The following PIGN variants were observed in gnomAD, a reference collection of about 807,000 sequenced individuals.
PIGN encodes the protein phosphatidylinositol glycan anchor biosynthesis class N.
PIGN carries 117 observed loss-of-function variants against 125.4 expected under a neutral mutation model. That is an observed-to-expected ratio of 0.93 (90% CI 0.80 to 1.09). The LOEUF is 1.09. Among genes scored for constraint, PIGN ranks in the 50% least tolerant of loss-of-function variants. The probability of loss-of-function intolerance (pLI) is 0.00; values close to 1 mark genes in which losing one functional copy is unlikely to be tolerated. For synonymous variants in PIGN, 392 were observed against 377.8 expected (o/e 1.04, Z -0.44); for missense variants, 1,075 against 1,094.9 (o/e 0.98, Z 0.26).
At chr18:62,034,160 A>G (rs1012182488) in intron 23 of PIGN, among the ~76,000 whole-genome samples, 2 of 152,230 alleles carry the variant, frequency 1.3e-5, no homozygotes, top group African/African-American at 4.8e-5. Context: ...TTGAGGACCA[A>G]TAGATAAAAT....
Position 62,085,246 on chromosome 18 carries a change from C to T in PIGN, c.2389G>A (p.Ala797Thr), listed in dbSNP as rs1321206922. 3 of 1,543,860 alleles carry T rather than the reference C, an allele frequency of 1.9e-6. No individual in the cohort carries two copies. The highest frequency in any genetic ancestry group is 2.6e-6 in the Non-Finnish European group (3 of 1,140,850). Residue 797 changes from alanine (A) to threonine (T), a missense_variant, in exon 26 of 31, where the codon GCA (alanine) becomes ACA (threonine). Ala to Thr is a moderately conservative substitution (Grantham distance 58, BLOSUM62 0). Around this residue, in one of 3 missense-constraint regions of PIGN, gnomAD observed 915 missense variants for 908.7 expected, o/e 1.01. Transcript: ENST00000640252. ...GCTATATTTCCAGTTCCAAAAAATG[C>T]TGTCACTAAGAAGAAAACCTAAAGG... ...AFFLVFFLVTAFFGTGNIASI... is the reference protein window; with the variant it reads ...AFFLVFFLVTTFFGTGNIASI...
chr18:62,047,558 T>C (rs1116258), intron 30 of PIGN, among the ~76,000 whole-genome samples: 78,150 of 151,992 alleles, frequency 0.51, 22,056 homozygotes, highest in East Asian at 0.71. Flanking sequence ...GTGGAGGCCT[T>C]GCAGGGTGCC....
Position 62,154,610 on chromosome 18 carries a change from T to C in PIGN, c.484A>G (p.Lys162Glu), listed in dbSNP as rs17069506. The C allele has an allele frequency of 0.044, 69,505 of 1,587,798 alleles. 2,017 individuals carry two copies. Among genetic ancestry groups the C allele is most frequent in the Middle Eastern group, 0.14 (863 of 6,010 alleles). ...DHVYTYSYDAKREDFGAQDAT... is the reference protein window; with the variant it reads ...DHVYTYSYDAEREDFGAQDAT... ...TCTTGAGCACCAAAATCCTCTCTTTTAGCATCATAACTATATGTATAAACG... is the reference window on the plus strand; with the variant it reads ...TCTTGAGCACCAAAATCCTCTCTTTCAGCATCATAACTATATGTATAAACG... Residue 162 changes from lysine to glutamate, a missense_variant, in exon 7 of 31, where the codon AAA becomes GAA. Coordinates refer to ENST00000640252, the MANE Select transcript of PIGN (RefSeq NM_176787.5).
chr18:62,086,983 G>T (rs999434382), intron 25 of PIGN, among the ~76,000 whole-genome samples: 11 of 152,104 alleles, frequency 7.2e-5, no homozygotes, highest in Admixed American at 3.9e-4. Flanking sequence ...AAGAGGAGTG[G>T]CAGTTGTTAG....
intron 1 of PIGN, among the ~76,000 whole-genome samples, chr18:62,180,429 T>C (rs1416008214): frequency 6.6e-6 from 1 of 152,174 alleles, no homozygotes; most frequent in African/African-American, 2.4e-5. Context: ...TACAAGTGAC[T>C]GGCAAAGTGT....
chr18:62,086,610 CGTTTTTT>C (rs1403542203), intron 25 of PIGN, among the ~76,000 whole-genome samples: 7 of 121,396 alleles, frequency 5.8e-5, no homozygotes, highest in African/African-American at 2.1e-4. Context: ...AGTAAGACTC[CGTTTTTT>C]GTTTTTTTTT....
At chr18:62,115,681 G>C (rs2035061787) in intron 14 of PIGN, among the ~76,000 whole-genome samples, 2 of 151,766 alleles carry the variant, frequency 1.3e-5, no homozygotes, top group Admixed American at 1.3e-4. Flanking sequence ...GGGAGGGTCA[G>C]AGACTTCTTT....
In PIGN at chr18:62,025,582, T is replaced by C. The variant is rs371602881; in HGVS notation, c.2143-7841A>G. Among the ~76,000 whole-genome samples, 86 of 152,372 alleles carry C rather than the reference T, an allele frequency of 5.6e-4. 1 individual carries two copies. In the South Asian group the frequency reaches 0.017, roughly 30 times the overall value. On this transcript the variant is annotated intron_variant, in intron 23 of 24. Coordinates refer to the PIGN transcript ENST00000639600. Reference sequence around the variant, plus strand: ...CATGCTTAGCACTCCCATATGTGTCTGTTCAGCACAGAGCTTGTTTCTAAG... The same window carrying C: ...CATGCTTAGCACTCCCATATGTGTCCGTTCAGCACAGAGCTTGTTTCTAAG...
intron 30 of PIGN, among the ~76,000 whole-genome samples, chr18:62,053,727 A>C (rs1455823333): frequency 6.6e-6 from 1 of 152,244 alleles, no homozygotes; most frequent in African/African-American, 2.4e-5. Context: ...GCAAGAATAC[A>C]GAACTCAACA....
chr18:62,074,001 G>A (rs2033036435), intron 29 of PIGN, among the ~76,000 whole-genome samples: 2 of 152,212 alleles, frequency 1.3e-5, no homozygotes, highest in Admixed American at 6.5e-5. Context: ...CAGGTAGGCA[G>A]TATGTGATCA....
chr18:62,135,430 G>A (rs2035888644), intron 14 of PIGN, among the ~76,000 whole-genome samples: 1 of 151,910 alleles, frequency 6.6e-6, no homozygotes, highest in Admixed American at 6.6e-5. Flanking sequence ...CAGCCATCCC[G>A]CCAGACCCCC....
chr18:62,080,515 T>C (rs1156397165), intron 28 of PIGN, among the ~76,000 whole-genome samples: 1 of 152,190 alleles, frequency 6.6e-6, no homozygotes, highest in African/African-American at 2.4e-5. Context: ...GTCAGAAATC[T>C]GCTACATGGG....
chr18:62,029,668 G>A (rs1718116600), intron 23 of PIGN, among the ~76,000 whole-genome samples: 1 of 152,172 alleles, frequency 6.6e-6, no homozygotes, highest in African/African-American at 2.4e-5. Context: ...GACATAAGTG[G>A]GGAGGCGGAG....
chr18:62,072,578 C>G (rs2032941938), intron 30 of PIGN, 95 bp downstream of exon 30: 1 of 948,058 alleles, frequency 1.1e-6, no homozygotes, highest in Non-Finnish European at 1.6e-6. Context: ...TGTGAATATA[C>G]TCTGTGATGT....
intron 30 of PIGN, chr18:62,059,017 G>C (rs915826766): frequency 1.3e-5 from 2 of 151,738 alleles, no homozygotes; most frequent in Non-Finnish European, 2.9e-5. Flanking sequence ...GTGAGACCCT[G>C]TCTCTAAAAA....
intron 14 of PIGN, among the ~76,000 whole-genome samples, chr18:62,131,008 T>A (rs2035715573): frequency 6.6e-6 from 1 of 152,148 alleles, no homozygotes; most frequent in Non-Finnish European, 1.5e-5. Flanking sequence ...AAGTTTTTTT[T>A]AAAGATAAAT....
chr18:62,097,733 G>A (rs947237385), intron 22 of PIGN, among the ~76,000 whole-genome samples: 4 of 151,932 alleles, frequency 2.6e-5, no homozygotes, highest in Non-Finnish European at 4.4e-5. Context: ...TTTTCCCACC[G>A]TAAAGTATGC....
intron 30 of PIGN, among the ~76,000 whole-genome samples, chr18:62,049,113 T>C (rs1425656971): frequency 6.6e-6 from 1 of 151,074 alleles, no homozygotes; most frequent in Admixed American, 6.6e-5. Context: ...TGTTGGACAT[T>C]TGGGTTGGTT....
Position 62,105,612 on chromosome 18 carries a change from A to G in PIGN, c.1790T>C (p.Phe597Ser), listed in dbSNP as rs977051380. The G allele has an allele frequency of 9.7e-6, 15 of 1,552,512 alleles. No homozygotes were observed. In the African/African-American group the frequency reaches 1.5e-4, roughly 16 times the overall value. The part of the protein sequence containing the change: ...RAKMTSLSWT[F>S]FSLLLAVFPL... ...GAACACTGCCAGGAGCAAAGAGAAG[A>G]AAGTCCAACTCAGTGAGGTCATCTA... Residue 597 changes from phenylalanine (F) to serine (S), a missense_variant, in exon 20 of 31, where the codon TTC becomes TCC. This residue lies in a region of PIGN where 915 missense variants were observed against 908.7 expected (regional missense o/e 1.01). Coordinates refer to ENST00000640252, the MANE Select transcript of PIGN (RefSeq NM_176787.5).
Sources: allele counts gnomAD v4.1 joint callset (sites outside exome capture counted in the v4.1 genomes callset), GRCh38; gene constraint gnomAD v4.1.1; regional missense constraint gnomAD v4.1.1; transcripts MANE v1.5; gene names NCBI Gene and HGNC (gene_info 2026-07-23, HGNC 2026-07-21).